Variants in TRPC3 observed in about 807,000 individuals in gnomAD.
TRPC3 encodes the protein transient receptor potential cation channel subfamily C member 3.
A neutral mutation model predicts 90.9 loss-of-function variants in TRPC3; 54 were observed. That is an observed-to-expected ratio of 0.59 (90% CI 0.48 to 0.75). TRPC3 has a LOEUF of 0.75. Among genes scored for constraint, TRPC3 ranks in the 30% least tolerant of loss-of-function variants. The pLI is 0.00. For missense variants in TRPC3, 918 were observed against 1,194.5 expected (o/e 0.77, Z 3.41); for synonymous variants, 424 against 450.9 (o/e 0.94, Z 0.75).
chr4:121,932,448 C>T lies in TRPC3; in HGVS notation c.810G>A (p.Gly270=), dbSNP rs1425106990. 6 of 1,614,074 alleles carry T rather than the reference C, an allele frequency of 3.7e-6. No individual in the cohort carries two copies. Among genetic ancestry groups the T allele is most frequent in the East Asian group, 4.5e-5 (2 of 44,886 alleles). Residue 270 remains glycine, a synonymous_variant, in exon 2 of 12, where the codon GGG becomes GGA. Coordinates refer to ENST00000379645, the MANE Select transcript of TRPC3 (RefSeq NM_001130698.2). This position sits in a 1 kb window ranked among gnomAD's most constrained non-coding sequence, Gnocchi z 7.7. ...ERPHDYFCKC[G]DCMEKQRHDS... ...CGTGCCTCTGCTTCTCCATGCAGTCCCCGCACTTGCAGAAATAGTCGTGCG... is the reference window on the plus strand; with the variant it reads ...CGTGCCTCTGCTTCTCCATGCAGTCTCCGCACTTGCAGAAATAGTCGTGCG...
chr4:121,895,375 A>G (rs1728483653), intron 10 of TRPC3, among the ~76,000 whole-genome samples: 1 of 152,130 alleles, frequency 6.6e-6, no homozygotes, highest in Non-Finnish European at 1.5e-5. Flanking sequence ...AGACTAAAAT[A>G]AATACAAAAA....
chr4:121,951,599 C>T lies in TRPC3; in HGVS notation c.82G>A (p.Asp28Asn). ...CGGCGCTGCGGCTCCGCGCCCTCGTCCTCGCCCTCGTCTTCCTCCTCCTCC... is the reference window on the plus strand; with the variant it reads ...CGGCGCTGCGGCTCCGCGCCCTCGTTCTCGCCCTCGTCTTCCTCCTCCTCC... The part of the protein sequence containing the change: ...APEEEEDEGE[D>N]EGAEPQRRRR... Residue 28 changes from aspartate (D) to asparagine (N), a missense_variant, in exon 1 of 12, where the codon GAC (aspartate) becomes AAC (asparagine). By Grantham distance (23) the Asp-to-Asn change is conservative (BLOSUM62 1). This residue lies in a region of TRPC3 where 609 missense variants were observed against 725.9 expected (regional missense o/e 0.84). Coordinates refer to ENST00000379645, the MANE Select transcript of TRPC3 (RefSeq NM_001130698.2). The surrounding 1 kb of genome is among the most constrained non-coding windows in gnomAD (Gnocchi z 4.4). The T allele has an allele frequency of 6.9e-7, 1 of 1,452,712 alleles. No homozygotes were observed. The highest frequency in any genetic ancestry group is 9.1e-7 in the Non-Finnish European group (1 of 1,097,242). 90.0% of individuals were successfully genotyped at this position (1,452,712 alleles called of 1,614,324 possible). A position where few individuals can be genotyped will look rare whatever the true frequency, so the allele number is the denominator to read the frequency against.
intron 3 of TRPC3, among the ~76,000 whole-genome samples, chr4:121,918,966 A>T (rs1281186842): frequency 1.3e-5 from 2 of 152,244 alleles, no homozygotes; most frequent in Non-Finnish European, 2.9e-5. Context: ...TCACTACACC[A>T]GTTATGCCCA....
At chr4:121,950,297 G>A (rs1730667804) in intron 1 of TRPC3, among the ~76,000 whole-genome samples, 1 of 152,208 alleles carries the variant, frequency 6.6e-6, no homozygotes, top group Non-Finnish European at 1.5e-5. Context: ...CGATCCTGGG[G>A]ATGCAGGGGT....
At chr4:121,884,204 T>C (rs186387321) in intron 10 of TRPC3, among the ~76,000 whole-genome samples, 1 of 152,266 alleles carries the variant, frequency 6.6e-6, no homozygotes, top group Non-Finnish European at 1.5e-5. Flanking sequence ...GCTATTCTTA[T>C]GAAGCTCAAT....
At chr4:121,897,518 C>T (rs1911686) in intron 10 of TRPC3, among the ~76,000 whole-genome samples, 2 of 105,868 alleles carry the variant, frequency 1.9e-5, no homozygotes, top group African/African-American at 7.1e-5. Flanking sequence ...GGCAAATAAT[C>T]TGAACAGACA....
Position 121,882,433 on chromosome 4 carries a change from T to C in TRPC3, c.2548-4A>G, listed in dbSNP as rs199672175. 8.7e-6 allele frequency: 14 copies of C among 1,609,094 alleles called. No homozygotes were observed. Among genetic ancestry groups the C allele is most frequent in the Admixed American group, 1.7e-5 (1 of 59,386 alleles). On this transcript the variant is annotated splice_region_variant and splice_polypyrimidine_tract_variant and intron_variant, in intron 10 of 11. Transcript: ENST00000379645. ...TTATAAGTCTTTTCATTATCTGCTG[T>C]TGGGCAAAAGTAAATGATTAGATCT...
At chr4:121,933,373 CT>C (rs1467942745) in intron 1 of TRPC3, 2 of 207,038 alleles carry the variant, frequency 9.7e-6, no homozygotes, top group Non-Finnish European at 1.9e-5. Context: ...CTCATCGTAC[CT>C]TCCGCTCTTA....
intron 10 of TRPC3, among the ~76,000 whole-genome samples, chr4:121,886,146 A>G (rs6825303): frequency 6.6e-6 from 1 of 152,154 alleles, no homozygotes; most frequent in Non-Finnish European, 1.5e-5. Context: ...GGGTGGTTAG[A>G]TATCTTCCTT....
At chr4:121,910,714 G>A (rs1018346038) in intron 5 of TRPC3, among the ~76,000 whole-genome samples, 16 of 152,034 alleles carry the variant, frequency 1.1e-4, no homozygotes, top group Non-Finnish European at 2.4e-4. Context: ...AGGAGAGAAG[G>A]CTCTTCAAGT....
intron 10 of TRPC3, among the ~76,000 whole-genome samples, chr4:121,897,958 T>C (rs1728576560): frequency 6.6e-6 from 1 of 152,142 alleles, no homozygotes; most frequent in African/African-American, 2.4e-5. Flanking sequence ...CACAACGGAA[T>C]GCAATTCAGC....
intron 10 of TRPC3, 60 bp from the exon 11 acceptor site, chr4:121,882,489 T>C (rs966683621): frequency 4.5e-5 from 68 of 1,519,640 alleles, no homozygotes; most frequent in Non-Finnish European, 5.5e-5. Flanking sequence ...CCCAATCCTA[T>C]TTTCCAAAGA....
At chr4:121,882,699 A>G (rs1007679017) in intron 10 of TRPC3, among the ~76,000 whole-genome samples, 1 of 152,152 alleles carries the variant, frequency 6.6e-6, no homozygotes, top group Non-Finnish European at 1.5e-5. Flanking sequence ...ATTTGAATTC[A>G]TGGCTCCTCT....
At chr4:121,936,358 T>A (rs1205390600) in intron 1 of TRPC3, among the ~76,000 whole-genome samples, 3 of 152,144 alleles carry the variant, frequency 2.0e-5, no homozygotes, top group Non-Finnish European at 4.4e-5. Context: ...ACACTAAAAT[T>A]ATTTTGCCAG....
intron 1 of TRPC3, among the ~76,000 whole-genome samples, chr4:121,945,216 G>A (rs2149154807): frequency 6.6e-6 from 1 of 152,232 alleles, no homozygotes; most frequent in South Asian, 2.1e-4. Context: ...GCCATTCTTG[G>A]TTACGTTAAA....
In TRPC3 at chr4:121,884,177, A is replaced by G. The variant is rs548362682; in HGVS notation, c.2548-1748T>C. 2.3e-4 allele frequency among the ~76,000 whole-genome samples: 35 copies of G among 152,326 alleles called. No individual in the cohort carries two copies. In the South Asian group the frequency reaches 6.6e-3, roughly 29 times the overall value. On this transcript the variant is annotated intron_variant, in intron 10 of 11. Transcript: ENST00000379645. ...TTGAATGAAAAATTCCAGTTGCAGA[A>G]GACCACAGAGTATGAAGCTATTCTT...
intron 8 of TRPC3, 104 bp downstream of exon 8, chr4:121,904,218 T>A: frequency 9.9e-7 from 1 of 1,012,620 alleles, no homozygotes; most frequent in Non-Finnish European, 1.4e-6. Flanking sequence ...GATATAAGCC[T>A]CTTTGTTACA....
Position 121,876,169 on chromosome 4 carries a change from G to A in TRPC3, c.*3567C>T, listed in dbSNP as rs545782202. Among the ~76,000 whole-genome samples the A allele has an allele frequency of 1.1e-4, 17 of 152,064 alleles. No homozygotes were observed. In the South Asian group the frequency reaches 2.3e-3, roughly 20 times the overall value. On this transcript the variant is annotated 3_prime_UTR_variant, in exon 12 of 12. Transcript: ENST00000379645. The stretch of plus-strand genomic sequence containing the variant: ...CTGCTTCAACGTCCCAAAGTGCTGC[G>A]ATTACAGGTGTGCACCACTGTGCCC...
chr4:121,898,493 G>A (rs1483078617), intron 10 of TRPC3, among the ~76,000 whole-genome samples: 1 of 152,108 alleles, frequency 6.6e-6, no homozygotes, highest in Non-Finnish European at 1.5e-5. Flanking sequence ...GAAGATCTGA[G>A]GTGGAACACT....
Sources: gnomAD v4.1 joint callset for allele counts (sites outside exome capture counted in the v4.1 genomes callset) on GRCh38, gnomAD v4.1.1 for gene constraint, gnomAD v4.1.1 regional missense constraint, Gnocchi (gnomAD v3.1) non-coding constraint, MANE v1.5 for transcripts, NCBI Gene and HGNC (gene_info 2026-07-23, HGNC 2026-07-21) for gene names.